The following GRM3 variants were observed in gnomAD, a reference collection of about 807,000 sequenced individuals.
GRM3 encodes the protein metabotropic glutamate receptor 3.
GRM3 carries 26 observed loss-of-function variants against 70.5 expected under a neutral mutation model. The ratio of observed to expected loss-of-function variants is 0.37; its 90% CI spans 0.27 to 0.51. The LOEUF (loss-of-function observed/expected upper bound fraction) is 0.51. GRM3 is among the 20% of genes least tolerant of loss of function. The probability of loss-of-function intolerance (pLI) is 0.93; values close to 1 mark genes in which losing one functional copy is unlikely to be tolerated. For synonymous variants in GRM3, 443 were observed against 434.9 expected, an observed-to-expected ratio of 1.02 and a Z score of -0.23; for missense variants, 859 against 1,123.8, an observed-to-expected ratio of 0.76 and a Z score of 3.37.
At chr7:86,842,812 T>C (rs1490016122) in intron 4 of GRM3, among the ~76,000 whole-genome samples, 1 of 152,122 alleles carries the variant, frequency 6.6e-6, no homozygotes, top group Non-Finnish European at 1.5e-5. Flanking sequence ...ATAATTAAAT[T>C]GATGATATAA....
At chr7:86,784,642 C>T (rs1316894431) in intron 2 of GRM3, 2 of 152,178 alleles carry the variant, frequency 1.3e-5, no homozygotes, top group Non-Finnish European at 2.9e-5. Context: ...GCCATTTTGT[C>T]CAGAGTCTCC....
chr7:86,701,529 A>G (rs375117120), intron 1 of GRM3, among the ~76,000 whole-genome samples: 2 of 151,986 alleles, frequency 1.3e-5, no homozygotes, highest in East Asian at 3.9e-4. Context: ...TATTTTCAAC[A>G]TATATTTCCT....
intron 1 of GRM3, among the ~76,000 whole-genome samples, chr7:86,717,380 C>T (rs555688133): frequency 4.6e-5 from 7 of 152,050 alleles, no homozygotes; most frequent in African/African-American, 1.4e-4. Context: ...TTCATAATGG[C>T]ATTTACTGCC....
chr7:86,704,480 C>A (rs1180787412), intron 1 of GRM3, among the ~76,000 whole-genome samples: 1 of 151,882 alleles, frequency 6.6e-6, no homozygotes, highest in Non-Finnish European at 1.5e-5. Flanking sequence ...TTAATATCTT[C>A]CTTTGTAAGT....
intron 3 of GRM3, among the ~76,000 whole-genome samples, chr7:86,795,852 C>T (rs1045555675): frequency 6.6e-6 from 1 of 152,212 alleles, no homozygotes; most frequent in Non-Finnish European, 1.5e-5. Flanking sequence ...ATCTAATTTA[C>T]ATTCCCACCA....
chr7:86,723,272 T>C (rs1162788455), intron 1 of GRM3, among the ~76,000 whole-genome samples: 1 of 151,910 alleles, frequency 6.6e-6, no homozygotes, highest in Non-Finnish European at 1.5e-5. Flanking sequence ...ATAATGATGA[T>C]TAAAAGGAAG....
chr7:86,784,626 GT>G (rs1201404375), intron 2 of GRM3: 2 of 152,198 alleles, frequency 1.3e-5, no homozygotes, highest in Non-Finnish European at 2.9e-5. Flanking sequence ...AAATAAGTCA[GT>G]ATAGGCCATT....
chr7:86,832,343 C>G (rs1001181154), intron 3 of GRM3, among the ~76,000 whole-genome samples: 1 of 151,036 alleles, frequency 6.6e-6, no homozygotes, highest in Non-Finnish European at 1.5e-5. Context: ...CCCTGCCTCC[C>G]GGGTTCAAGC....
chr7:86,674,608 T>C lies in GRM3; in HGVS notation c.-141+29736T>C, dbSNP rs113417948. Among the ~76,000 whole-genome samples, 1,011 of 152,242 alleles carry C rather than the reference T, an allele frequency of 6.6e-3. 17 individuals are homozygous for C. The highest frequency in any genetic ancestry group is 0.023 in the African/African-American group (949 of 41,542). Reference sequence around the variant, plus strand: ...TGTTAAAGCTATAAATCTATTAATGTCATATCACTTAATGAACACCTAAAA... The same window carrying C: ...TGTTAAAGCTATAAATCTATTAATGCCATATCACTTAATGAACACCTAAAA... On this transcript the variant is annotated intron_variant, in intron 1 of 5. Transcript: ENST00000361669.
At chr7:86,785,788 T>C (rs1797222844) in intron 2 of GRM3, among the ~76,000 whole-genome samples, 1 of 147,242 alleles carries the variant, frequency 6.8e-6, no homozygotes, top group Admixed American at 6.9e-5. Flanking sequence ...TTAAACTCTT[T>C]CAGAGACTGC....
chr7:86,646,240 A>G (rs1793469303), intron 1 of GRM3, among the ~76,000 whole-genome samples: 2 of 152,202 alleles, frequency 1.3e-5, no homozygotes, highest in Admixed American at 1.3e-4. Flanking sequence ...CTTGTTTCTA[A>G]AATCAGCCCA....
chr7:86,809,499 C>T (rs1306660925), intron 3 of GRM3, among the ~76,000 whole-genome samples: 1 of 151,930 alleles, frequency 6.6e-6, no homozygotes, highest in Admixed American at 6.6e-5. Flanking sequence ...TCAGGCAATC[C>T]TCGGGTTGCT....
At chr7:86,793,113 T>A (rs946115398) in intron 3 of GRM3, among the ~76,000 whole-genome samples, 1 of 151,308 alleles carries the variant, frequency 6.6e-6, no homozygotes. Context: ...CTTCTTCTTA[T>A]GTTTACAATT....
intron 2 of GRM3, among the ~76,000 whole-genome samples, chr7:86,772,321 C>T (rs892910940): frequency 2.0e-4 from 31 of 152,032 alleles, no homozygotes; most frequent in Admixed American, 7.9e-4. Flanking sequence ...AACCATCACC[C>T]ACCTATTCTA....
At chr7:86,679,812 A>G (rs1200122862) in intron 1 of GRM3, among the ~76,000 whole-genome samples, 11 of 152,048 alleles carry the variant, frequency 7.2e-5, no homozygotes, top group Admixed American at 7.2e-4. Context: ...TTACCTAAAA[A>G]TAAGAATCAT....
rs138568176 is a variant in GRM3 at position 86,839,743 on chromosome 7, C to T, written c.2229C>T (p.Tyr743=). Residue 743 remains tyrosine, a synonymous_variant, in exon 4 of 6, where the codon TAC becomes TAT. Transcript: ENST00000361669. The surrounding 1 kb of genome is among the most constrained non-coding windows in gnomAD (Gnocchi z 4.5). ...CCAGCATGTTGATCTCTCTTACCTACGATGTGATCCTGGTGATCTTATGCA... is the reference window on the plus strand; with the variant it reads ...CCAGCATGTTGATCTCTCTTACCTATGATGTGATCCTGGTGATCTTATGCA... ...KDSSMLISLT[Y]DVILVILCTV... 349 of 1,614,054 alleles carry T rather than the reference C, an allele frequency of 2.2e-4. 1 individual carries two copies. The highest frequency in any genetic ancestry group is 4.0e-4 in the African/African-American group (30 of 75,048).
chr7:86,667,939 C>G (rs1360325818), intron 1 of GRM3, among the ~76,000 whole-genome samples: 1 of 152,130 alleles, frequency 6.6e-6, no homozygotes. Flanking sequence ...GGGAGCCAAA[C>G]TGTTGACTTA....
chr7:86,687,200 G>A (rs1794588122), intron 1 of GRM3, among the ~76,000 whole-genome samples: 1 of 151,782 alleles, frequency 6.6e-6, no homozygotes, highest in Non-Finnish European at 1.5e-5. Context: ...GAAAAATACT[G>A]GCCAGAAATT....
intron 1 of GRM3, among the ~76,000 whole-genome samples, chr7:86,705,085 C>T (rs901977960): frequency 7.9e-5 from 12 of 151,788 alleles, no homozygotes; most frequent in African/African-American, 2.9e-4. Flanking sequence ...AATAAGGGAA[C>T]TTATGTATAA....
Sources: allele counts gnomAD v4.1 joint callset (sites outside exome capture counted in the v4.1 genomes callset), GRCh38; gene constraint gnomAD v4.1.1; non-coding constraint Gnocchi (gnomAD v3.1); transcripts MANE v1.5; gene names NCBI Gene and HGNC (gene_info 2026-07-23, HGNC 2026-07-21).